The following ESRRG variants were observed in gnomAD, a reference collection of about 807,000 sequenced individuals.
ESRRG encodes estrogen-related receptor gamma.
In ESRRG, 13 loss-of-function variants were observed where a neutral mutation model predicts 44.0. The ratio of observed to expected loss-of-function variants is 0.30; its 90% CI spans 0.19 to 0.47. The LOEUF is 0.47. ESRRG is among the 20% of genes least tolerant of loss of function. The pLI, the probability that ESRRG is intolerant of heterozygous loss-of-function variation, is 1.00. For synonymous variants in ESRRG, 215 were observed against 214.6 expected, an observed-to-expected ratio of 1.00 and a Z score of -0.02; for missense variants, 395 against 580.6, an observed-to-expected ratio of 0.68 and a Z score of 3.29.
At chr1:216,532,819 T>C (rs1422441687) in intron 5 of ESRRG, among the ~76,000 whole-genome samples, 1 of 152,202 alleles carries the variant, frequency 6.6e-6, no homozygotes, top group African/African-American at 2.4e-5. Flanking sequence ...TATATGATGA[T>C]TGTCAATTTA....
chr1:216,592,255 T>C (rs1442229944), intron 3 of ESRRG, among the ~76,000 whole-genome samples: 6 of 152,234 alleles, frequency 3.9e-5, no homozygotes, highest in Admixed American at 3.9e-4. Flanking sequence ...AAACTGGTCT[T>C]AGAATTTCCA....
In ESRRG at chr1:216,742,401, A is replaced by T. The variant is rs543150068; in HGVS notation, c.-13-64910T>A. 2.0e-5 allele frequency among the ~76,000 whole-genome samples: 3 copies of T among 152,294 alleles called. No individual in the cohort carries two copies. In the South Asian group the frequency reaches 6.2e-4, roughly 32 times the overall value. On this transcript the variant is annotated intron_variant, in intron 2 of 7. Transcript: ENST00000359162. ...TTGTGGTAAGTGAGCAACCTTTAAG[A>T]TAAAAGAGAATAATGGAATCATGTT...
chr1:216,842,774 C>T (rs927041905), intron 2 of ESRRG, among the ~76,000 whole-genome samples: 1 of 152,164 alleles, frequency 6.6e-6, no homozygotes, highest in African/African-American at 2.4e-5. Context: ...GGTGCTATGA[C>T]TTTGATAGTG....
intron 2 of ESRRG, among the ~76,000 whole-genome samples, chr1:216,676,354 G>C (rs893958889): frequency 6.6e-6 from 1 of 152,008 alleles, no homozygotes; most frequent in African/African-American, 2.4e-5. Context: ...ATATATGTTG[G>C]AGGTATATTT....
At chr1:216,669,073 A>T (rs1402460326) in intron 2 of ESRRG, among the ~76,000 whole-genome samples, 1 of 151,838 alleles carries the variant, frequency 6.6e-6, no homozygotes, top group Non-Finnish European at 1.5e-5. Flanking sequence ...CCTCAAGCTC[A>T]GAGTGTTTTT....
At chr1:217,023,023 C>T (rs2080606609) in intron 1 of ESRRG, among the ~76,000 whole-genome samples, 1 of 152,070 alleles carries the variant, frequency 6.6e-6, no homozygotes, top group Non-Finnish European at 1.5e-5. Context: ...TGTAGAGGCA[C>T]AGAAAATAGC....
intron 2 of ESRRG, among the ~76,000 whole-genome samples, chr1:216,735,987 A>AAAAAAATATATATAT (rs1453476198): frequency 4.4e-5 from 6 of 137,092 alleles, no homozygotes; most frequent in African/African-American, 1.6e-4. Flanking sequence ...CTCAAAAAAA[A>AAAAAAATATATATAT]ATATATATAT....
chr1:216,783,879 C>T (rs951162730), intron 2 of ESRRG, among the ~76,000 whole-genome samples: 14 of 151,998 alleles, frequency 9.2e-5, no homozygotes, highest in Admixed American at 4.6e-4. Flanking sequence ...TCTCTTGCAC[C>T]CTCTCTCGAA....
At chr1:216,701,917 C>T in intron 1 of ESRRG, among the ~76,000 whole-genome samples, 1 of 152,198 alleles carries the variant, frequency 6.6e-6, no homozygotes. Flanking sequence ...TTTGACTAAA[C>T]TGTCAATGGC....
In ESRRG at chr1:216,514,620, C is replaced by T. The variant is rs190025195; in HGVS notation, c.1132+4532G>A. 6.4e-4 allele frequency among the ~76,000 whole-genome samples: 98 copies of T among 152,142 alleles called. 1 individual carries two copies. Among genetic ancestry groups the T allele is most frequent in the Admixed American group, 5.8e-3 (88 of 15,266 alleles). ...AAATTGTAATGGGTAAAGTCTTCTGCATTAATCCTTTTAGAAACATGTATA... is the reference window on the plus strand; with the variant it reads ...AAATTGTAATGGGTAAAGTCTTCTGTATTAATCCTTTTAGAAACATGTATA... On this transcript the variant is annotated intron_variant, in intron 6 of 6. Coordinates refer to ENST00000408911, the MANE Select transcript of ESRRG (RefSeq NM_001438.4).
intron 1 of ESRRG, among the ~76,000 whole-genome samples, chr1:216,685,776 A>G (rs2077828822): frequency 6.6e-6 from 1 of 152,228 alleles, no homozygotes; most frequent in Non-Finnish European, 1.5e-5. Flanking sequence ...AAGGATATGG[A>G]GATCACAGTA....
At chr1:217,033,340 T>A (rs1002242631) in intron 1 of ESRRG, among the ~76,000 whole-genome samples, 2 of 152,192 alleles carry the variant, frequency 1.3e-5, no homozygotes, top group African/African-American at 4.8e-5. Context: ...CTGATGCCTC[T>A]CCACCCCTGT....
chr1:216,796,057 G>A (rs1023008916), intron 2 of ESRRG, among the ~76,000 whole-genome samples: 1 of 152,182 alleles, frequency 6.6e-6, no homozygotes. Context: ...AGTGGGGCTG[G>A]CTGAAACTTG....
chr1:216,853,629 C>T (rs760958025), intron 2 of ESRRG, among the ~76,000 whole-genome samples: 1 of 152,166 alleles, frequency 6.6e-6, no homozygotes. Flanking sequence ...TCAGTGTATC[C>T]ACCCATCACA....
chr1:216,947,251 T>C (rs1316166476), intron 1 of ESRRG, among the ~76,000 whole-genome samples: 1 of 152,150 alleles, frequency 6.6e-6, no homozygotes, highest in Non-Finnish European at 1.5e-5. Context: ...CTAGGCGCTT[T>C]ACATTTTGCC....
chr1:216,898,085 C>T (rs1315209827), intron 2 of ESRRG, among the ~76,000 whole-genome samples: 18 of 152,184 alleles, frequency 1.2e-4, no homozygotes, highest in Admixed American at 9.8e-4. Context: ...CCTTAGCACA[C>T]AGACCGGACC....
chr1:217,097,588 C>T (rs899285279), intron 1 of ESRRG, among the ~76,000 whole-genome samples: 14 of 152,144 alleles, frequency 9.2e-5, no homozygotes, highest in Admixed American at 5.2e-4. Flanking sequence ...TTTTCCTAAG[C>T]TCTCATTGAT....
In ESRRG at chr1:216,891,724, G is replaced by C. The variant is rs186082102; in HGVS notation, c.-14+47858C>G. 1.9e-3 allele frequency among the ~76,000 whole-genome samples: 281 copies of C among 151,404 alleles called. 1 individual carries two copies. The highest frequency in any genetic ancestry group is 6.7e-3 in the African/African-American group (275 of 41,180). ...ATGGAGACCTTTTTTAGGGGGCAGA[G>C]GAAATAAAGTTATCAAGAAAGAAGA... On this transcript the variant is annotated intron_variant, in intron 2 of 7. Coordinates refer to the ESRRG transcript ENST00000359162.
intron 5 of ESRRG, among the ~76,000 whole-genome samples, chr1:216,550,689 A>T (rs1453738993): frequency 7.2e-5 from 11 of 152,176 alleles, no homozygotes. Context: ...CAATCTTGAG[A>T]AAAACAATGG....
Sources: gnomAD v4.1 joint callset for allele counts (sites outside exome capture counted in the v4.1 genomes callset) on GRCh38, gnomAD v4.1.1 for gene constraint, MANE v1.5 for transcripts, NCBI Gene and HGNC (gene_info 2026-07-23, HGNC 2026-07-21) for gene names.